Variants in FMN1 observed in about 807,000 individuals in gnomAD.
FMN1 encodes the protein formin 1, also known as formin-1.
A neutral mutation model predicts 132.4 loss-of-function variants in FMN1; 110 were observed. The observed-to-expected ratio is 0.83, with a 90% CI of 0.71 to 0.97. The LOEUF (loss-of-function observed/expected upper bound fraction) is 0.97. Among genes scored for constraint, FMN1 ranks in the 50% least tolerant of loss-of-function variants. The pLI, the probability that FMN1 is intolerant of heterozygous loss-of-function variation, is 0.00. For synonymous variants in FMN1, 722 were observed against 651.7 expected (o/e 1.11, Z -1.64); for missense variants, 1,792 against 1,705.3 (o/e 1.05, Z -0.90).
intron 4 of FMN1, among the ~76,000 whole-genome samples, chr15:33,103,886 CT>C (rs1414034222): frequency 6.6e-6 from 1 of 152,052 alleles, no homozygotes; most frequent in Non-Finnish European, 1.5e-5. Context: ...TTTCTTCCCC[CT>C]GAGGTAATTT....
intron 15 of FMN1, among the ~76,000 whole-genome samples, chr15:32,897,824 GC>G (rs1199741121): frequency 2.8e-4 from 43 of 152,148 alleles, no homozygotes; most frequent in African/African-American, 9.4e-4. Flanking sequence ...GCTGGGGTCG[GC>G]AGGAAAACAA....
chr15:33,080,527 C>T (rs1219592742), intron 5 of FMN1, among the ~76,000 whole-genome samples: 2 of 152,252 alleles, frequency 1.3e-5, no homozygotes, highest in South Asian at 2.1e-4. Flanking sequence ...CCAAGGCGGA[C>T]GGATCACCTG....
intron 4 of FMN1, among the ~76,000 whole-genome samples, chr15:33,144,254 G>A (rs1964120627): frequency 6.6e-6 from 1 of 152,234 alleles, no homozygotes; most frequent in South Asian, 2.1e-4. Context: ...GAGTGAGCCA[G>A]TTTGAAGCTA....
intron 6 of FMN1, among the ~76,000 whole-genome samples, chr15:33,053,860 C>T (rs1408866415): frequency 6.6e-6 from 1 of 152,170 alleles, no homozygotes; most frequent in East Asian, 1.9e-4. Context: ...TCTCCAGATG[C>T]TATGGTTTAG....
intron 17 of FMN1, among the ~76,000 whole-genome samples, chr15:32,816,277 G>A (rs1236341977): frequency 1.3e-5 from 2 of 152,116 alleles, no homozygotes; most frequent in African/African-American, 4.8e-5. Flanking sequence ...AATATCACGG[G>A]AAAATGCTAT....
chr15:32,902,414 G>T (rs2034479), intron 12 of FMN1, among the ~76,000 whole-genome samples: 6,624 of 152,156 alleles, frequency 0.044, 201 homozygotes, highest in East Asian at 0.12. Context: ...TCATAATGCA[G>T]CATTCTCTAA....
At chr15:32,982,392 C>T (rs1166794712) in intron 7 of FMN1, among the ~76,000 whole-genome samples, 2 of 152,162 alleles carry the variant, frequency 1.3e-5, no homozygotes, top group East Asian at 3.8e-4. Flanking sequence ...CTTTCCATAT[C>T]AACTATCGAT....
intron 19 of FMN1, among the ~76,000 whole-genome samples, chr15:32,785,135 GGTGT>G (rs759634791): frequency 9.1e-4 from 126 of 137,784 alleles, no homozygotes; most frequent in Middle Eastern, 3.7e-3. Flanking sequence ...TGATGCTAGG[GGTGT>G]GTGTGTGTGT....
rs532665175 is a variant in FMN1 at position 32,982,894 on chromosome 15, A to G, written c.2224-13417T>C. ...ACAGCTATACTGTCGGCCCTCCTAG[A>G]TCTCCAGTTTACCCTGCAGATTTTG... On this transcript the variant is annotated intron_variant, in intron 7 of 20. Transcript: ENST00000616417. 2.6e-5 allele frequency among the ~76,000 whole-genome samples: 4 copies of G among 152,170 alleles called. No individual in the cohort carries two copies. In the South Asian group the frequency reaches 8.3e-4, roughly 32 times the overall value.
At chr15:33,037,516 C>CTGTG (rs2036241973) in intron 6 of FMN1, among the ~76,000 whole-genome samples, 1 of 152,144 alleles carries the variant, frequency 6.6e-6, no homozygotes, top group Admixed American at 6.5e-5. Flanking sequence ...AGGGAACTGG[C>CTGTG]TGTGTCCTTT....
chr15:32,901,910 C>T lies in FMN1; in HGVS notation c.3507+1G>A. ...TCTTTTAAATTAGACAGTAAACATA[C>T]CTTAGAAGCTCGCGTGATGATCTCT... On this transcript the variant is annotated splice_donor_variant, in intron 13 of 20. Coordinates refer to ENST00000616417, the MANE Select transcript of FMN1 (RefSeq NM_001277313.2). LOFTEE classifies it high-confidence loss of function. 1.9e-6 allele frequency: 3 copies of T among 1,604,594 alleles called. No individual in the cohort carries two copies. Among genetic ancestry groups the T allele is most frequent in the Non-Finnish European group, 2.5e-6 (3 of 1,176,770 alleles).
intron 7 of FMN1, among the ~76,000 whole-genome samples, chr15:32,995,592 A>G (rs1596425649): frequency 6.6e-6 from 1 of 152,172 alleles, no homozygotes; most frequent in African/African-American, 2.4e-5. Flanking sequence ...TGTTATTATC[A>G]TCATTATTAC....
Position 32,772,055 on chromosome 15 carries a change from G to A in FMN1, c.*2255C>T, listed in dbSNP as rs974920779. ...AAAACCACTAGGTTTCCCCAACCGA[G>A]GCAGGCAAACCTTGCTTTGTAGAAA... On this transcript the variant is annotated 3_prime_UTR_variant, in exon 21 of 21. Coordinates refer to ENST00000616417, the MANE Select transcript of FMN1 (RefSeq NM_001277313.2). 2 of 152,168 alleles carry A rather than the reference G, an allele frequency of 1.3e-5. No homozygotes were observed. Among genetic ancestry groups the A allele is most frequent in the Admixed American group, 6.5e-5 (1 of 15,280 alleles). 9.4% of individuals were successfully genotyped at this position (152,168 alleles called of 1,614,324 possible).
At chr15:32,885,098 T>C (rs1344395284) in intron 16 of FMN1, among the ~76,000 whole-genome samples, 1 of 152,238 alleles carries the variant, frequency 6.6e-6, no homozygotes, top group Non-Finnish European at 1.5e-5. Flanking sequence ...TTACTTTCAC[T>C]GAACCAGTAA....
chr15:33,046,897 T>G (rs77582007), intron 6 of FMN1, among the ~76,000 whole-genome samples: 109 of 152,318 alleles, frequency 7.2e-4, no homozygotes, highest in African/African-American at 2.5e-3. Flanking sequence ...CACGGTTCTA[T>G]CATAAGGAAG....
At chr15:32,826,466 C>T (rs2058369922) in intron 17 of FMN1, among the ~76,000 whole-genome samples, 1 of 152,274 alleles carries the variant, frequency 6.6e-6, no homozygotes. Flanking sequence ...ATGGAAAGGG[C>T]TAATGTCATC....
chr15:32,888,126 A>T, intron 16 of FMN1, 46 bp downstream of exon 16: 8 of 1,521,548 alleles, frequency 5.3e-6, no homozygotes, highest in Non-Finnish European at 7.1e-6. Context: ...ACATTTTTTA[A>T]AAGTAATCTT....
intron 17 of FMN1, among the ~76,000 whole-genome samples, chr15:32,851,238 G>T (rs1032323096): frequency 6.6e-6 from 1 of 152,206 alleles, no homozygotes; most frequent in African/African-American, 2.4e-5. Flanking sequence ...AAGGCCAAGT[G>T]TGGGAGAGTG....
chr15:33,083,785 A>C (rs917876017), intron 5 of FMN1, among the ~76,000 whole-genome samples: 2 of 152,114 alleles, frequency 1.3e-5, no homozygotes, highest in African/African-American at 4.8e-5. Context: ...GATAAAAAAG[A>C]AGGTTACCAC....
Sources: allele counts gnomAD v4.1 joint callset (sites outside exome capture counted in the v4.1 genomes callset), GRCh38; gene constraint gnomAD v4.1.1; transcripts MANE v1.5; gene names NCBI Gene and HGNC (gene_info 2026-07-23, HGNC 2026-07-21).